The following PRKX variants were observed in gnomAD, a reference collection of about 807,000 sequenced individuals.
PRKX encodes protein kinase cAMP-dependent X-linked catalytic subunit, also known as cAMP-dependent protein kinase catalytic subunit PRKX.
Under a neutral mutation model 22.0 loss-of-function variants are expected in PRKX, and 12 were observed. The ratio of observed to expected loss-of-function variants is 0.54; its 90% CI spans 0.35 to 0.88. The LOEUF (loss-of-function observed/expected upper bound fraction) is 0.88, where lower values mean the gene tolerates loss of function less well. Ranked by LOEUF, PRKX falls within the 40% of genes least tolerant of loss-of-function variation. The pLI is 0.01. For synonymous variants in PRKX, 134 were observed against 137.7 expected (o/e 0.97, Z 0.19); for missense variants, 217 against 308.0 (o/e 0.70, Z 2.21).
At chrX:3,631,124 A>G (rs1333675742) in intron 4 of PRKX, among the ~76,000 whole-genome samples, 1 of 112,343 alleles carries the variant, frequency 8.9e-6, no homozygotes, top group Non-Finnish European at 1.9e-5. Flanking sequence ...AATGTCCATG[A>G]GCAAAAATAA....
chrX:3,616,722 G>T (rs1414975484), intron 6 of PRKX, among the ~76,000 whole-genome samples: 7 of 112,071 alleles, frequency 6.2e-5, no homozygotes, highest in South Asian at 3.7e-4. Context: ...ACAGTAATGT[G>T]AATTTTTTCT....
At chrX:3,627,417 A>T (rs1926684029) in intron 4 of PRKX, among the ~76,000 whole-genome samples, 1 of 107,495 alleles carries the variant, frequency 9.3e-6, no homozygotes, top group South Asian at 4.0e-4. Context: ...AAAAAGACAC[A>T]TACACACAAA....
At chrX:3,620,171 G>A (rs1465942155) in intron 6 of PRKX, among the ~76,000 whole-genome samples, 4 of 111,456 alleles carry the variant, frequency 3.6e-5, no homozygotes, top group Non-Finnish European at 7.5e-5. Flanking sequence ...AAGCCAAAAG[G>A]TGGAAACAGC....
chrX:3,650,878 TTAAAAAA>T (rs1927314343), intron 3 of PRKX, among the ~76,000 whole-genome samples: 2 of 83,073 alleles, frequency 2.4e-5, no homozygotes, highest in Non-Finnish European at 4.7e-5. Context: ...GACCCTGTCT[TTAAAAAA>T]AAAAAAAAAA....
intron 3 of PRKX, among the ~76,000 whole-genome samples, chrX:3,653,879 GATAT>G (rs779238300): frequency 3.3e-5 from 2 of 61,093 alleles, no homozygotes; most frequent in African/African-American, 6.5e-5. Flanking sequence ...TATACTATGT[GATAT>G]ATATATTATA....
intron 1 of PRKX, among the ~76,000 whole-genome samples, chrX:3,708,636 G>A (rs772515353): frequency 1.2e-4 from 13 of 109,526 alleles, no homozygotes; most frequent in Non-Finnish European, 1.9e-4. Context: ...AGGCCAAGGC[G>A]GGCGGATCGC....
intron 2 of PRKX, among the ~76,000 whole-genome samples, chrX:3,656,166 C>A (rs1352773442): frequency 2.7e-5 from 3 of 111,435 alleles, no homozygotes; most frequent in Non-Finnish European, 5.7e-5. Flanking sequence ...TAGGTGAAGA[C>A]AGATGATATC....
At chrX:3,651,678 C>T (rs1927337328) in intron 3 of PRKX, among the ~76,000 whole-genome samples, 1 of 111,624 alleles carries the variant, frequency 9.0e-6, no homozygotes, top group Admixed American at 9.6e-5. Context: ...GCCCCCACAT[C>T]AAGTTTCTCA....
intron 1 of PRKX, among the ~76,000 whole-genome samples, chrX:3,698,434 A>G (rs1485256480): frequency 9.1e-6 from 1 of 110,374 alleles, no homozygotes; most frequent in Non-Finnish European, 1.9e-5. Flanking sequence ...TGATCCTCCC[A>G]CCTCGGCCTC....
chrX:3,660,013 CCT>C (rs1484256481), intron 2 of PRKX, among the ~76,000 whole-genome samples: 1 of 111,490 alleles, frequency 9.0e-6, no homozygotes, highest in Non-Finnish European at 1.9e-5. Flanking sequence ...AGCTAAATGC[CCT>C]GTTTTTCTGC....
At chrX:3,655,108 C>A (rs374567100) in intron 3 of PRKX, 41 bp downstream of exon 3, 4 of 1,203,627 alleles carry the variant, frequency 3.3e-6, no homozygotes, top group Middle Eastern at 2.3e-4. Flanking sequence ...TTTCTCATTG[C>A]CAAGCAGTGT....
chrX:3,634,903 T>C (rs750462399), intron 4 of PRKX, among the ~76,000 whole-genome samples: 16 of 111,247 alleles, frequency 1.4e-4, no homozygotes, highest in African/African-American at 4.9e-4. Flanking sequence ...GGGGTCTCAC[T>C]ATGTTGCCCA....
rs767366200 is a variant in PRKX at position 3,713,074 on chromosome X, C to T, written c.166+14G>A. On this transcript the variant is annotated intron_variant, in intron 1 of 8. Coordinates refer to ENST00000262848, the MANE Select transcript of PRKX (RefSeq NM_005044.5). ...GCGCCCCTGTGGGCCGAGTCCCCGC[C>T]CGCACTCACTCACCCACGGTGGCCA... The T allele has an allele frequency of 1.3e-5, 15 of 1,157,039 alleles. No individual in the cohort carries two copies. In the Admixed American group the frequency reaches 2.8e-4, roughly 22 times the overall value.
At chrX:3,634,795 T>A (rs111480054) in intron 4 of PRKX, among the ~76,000 whole-genome samples, 2,638 of 111,776 alleles carry the variant, frequency 0.024, 84 homozygotes, top group African/African-American at 0.08. Flanking sequence ...GCCTCAGTGA[T>A]CCTCCCACCT....
intron 2 of PRKX, among the ~76,000 whole-genome samples, chrX:3,674,385 T>C (rs1453741878): frequency 5.4e-5 from 6 of 111,331 alleles, no homozygotes; most frequent in Non-Finnish European, 1.1e-4. Context: ...ACACAGAGCG[T>C]TTCTTTTTGG....
At chrX:3,700,326 G>A (rs1249003673) in intron 1 of PRKX, among the ~76,000 whole-genome samples, 11 of 112,048 alleles carry the variant, frequency 9.8e-5, no homozygotes, top group Non-Finnish European at 1.7e-4. Context: ...GAAGTTAACG[G>A]AGAAACATAA....
Position 3,613,520 on chromosome X carries a change from A to G in PRKX, c.952-1195T>C, listed in dbSNP as rs138486868. The stretch of plus-strand genomic sequence containing the variant: ...TTTTTTTAATGCAATTTAATACAAT[A>G]AAGTATTTGAAAAGGTAAAACTTTG... On this transcript the variant is annotated intron_variant, in intron 7 of 8. Coordinates refer to ENST00000262848, the MANE Select transcript of PRKX (RefSeq NM_005044.5). Among the ~76,000 whole-genome samples the G allele has an allele frequency of 5.6e-3, 616 of 110,406 alleles. 6 individuals carry two copies. The highest frequency in any genetic ancestry group is 0.019 in the African/African-American group (590 of 30,424).
intron 1 of PRKX, among the ~76,000 whole-genome samples, chrX:3,690,839 C>T (rs1485883872): frequency 8.9e-6 from 1 of 112,738 alleles, no homozygotes; most frequent in African/African-American, 3.2e-5. Flanking sequence ...GGGAAAGGTT[C>T]GTGATTTCTG....
chrX:3,617,820 A>G (rs997296356), intron 6 of PRKX, among the ~76,000 whole-genome samples: 2 of 110,715 alleles, frequency 1.8e-5, no homozygotes, highest in Non-Finnish European at 3.8e-5. Context: ...CCACAGGACA[A>G]TGCATCCCTC....
Sources: allele counts gnomAD v4.1 joint callset (sites outside exome capture counted in the v4.1 genomes callset), GRCh38; gene constraint gnomAD v4.1.1; transcripts MANE v1.5; gene names NCBI Gene and HGNC (gene_info 2026-07-23, HGNC 2026-07-21).